The following CACNB4 variants were observed in gnomAD, a reference collection of about 807,000 sequenced individuals.
CACNB4 encodes voltage-dependent L-type calcium channel subunit beta-4.
A neutral mutation model predicts 71.2 loss-of-function variants in CACNB4; 32 were observed. The ratio of observed to expected loss-of-function variants is 0.45; its 90% CI spans 0.34 to 0.60. The LOEUF is 0.60. Ranked by LOEUF, CACNB4 falls within the 20% of genes least tolerant of loss-of-function variation. The pLI is 0.01. For synonymous variants in CACNB4, 231 were observed against 236.9 expected (o/e 0.97, Z 0.23); for missense variants, 464 against 647.9 (o/e 0.72, Z 3.08).
chr2:151,989,674 A>G (rs1681578123), intron 2 of CACNB4, among the ~76,000 whole-genome samples: 1 of 152,272 alleles, frequency 6.6e-6, no homozygotes, highest in South Asian at 2.1e-4. Flanking sequence ...AAATAAACAC[A>G]TCCAGTTCAA....
intron 2 of CACNB4, among the ~76,000 whole-genome samples, chr2:152,066,129 G>A (rs1431641898): frequency 2.6e-5 from 4 of 152,074 alleles, no homozygotes; most frequent in Admixed American, 6.6e-5. Context: ...CTCTGCTGAC[G>A]TGGCCACGTA....
chr2:152,008,759 C>T (rs1439112925), intron 2 of CACNB4, among the ~76,000 whole-genome samples: 2 of 152,196 alleles, frequency 1.3e-5, no homozygotes, highest in African/African-American at 4.8e-5. Context: ...ATCCTCCAAG[C>T]ATGATCTCTT....
At chr2:151,962,218 G>A (rs2099869846) in intron 2 of CACNB4, among the ~76,000 whole-genome samples, 1 of 152,224 alleles carries the variant, frequency 6.6e-6, no homozygotes. Context: ...TCTCAAGGTA[G>A]CTTTCTGGAT....
chr2:152,081,658 T>C (rs10930916), intron 2 of CACNB4, among the ~76,000 whole-genome samples: 75,730 of 151,842 alleles, frequency 0.5, 19,470 homozygotes, highest in East Asian at 0.85. Flanking sequence ...ATAGGGGCCC[T>C]ACCCTCAAAA....
At chr2:151,970,632 C>A (rs73001859) in intron 2 of CACNB4, 2 of 152,074 alleles carry the variant, frequency 1.3e-5, no homozygotes, top group Middle Eastern at 6.3e-3. Flanking sequence ...TATTAACACA[C>A]AGTGGGGACA....
chr2:151,844,759 G>A (rs1014297452), intron 12 of CACNB4, among the ~76,000 whole-genome samples: 3 of 152,190 alleles, frequency 2.0e-5, no homozygotes, highest in African/African-American at 7.2e-5. Flanking sequence ...AAGAGGAAAC[G>A]AGGCAGCACC....
intron 2 of CACNB4, among the ~76,000 whole-genome samples, chr2:152,045,571 T>G (rs1685104311): frequency 6.6e-6 from 1 of 151,960 alleles, no homozygotes; most frequent in South Asian, 2.1e-4. Context: ...GAATGTATAC[T>G]TAAAAATGGT....
chr2:151,908,894 A>AT (rs1358822694), intron 2 of CACNB4, among the ~76,000 whole-genome samples: 1 of 152,130 alleles, frequency 6.6e-6, no homozygotes, highest in East Asian at 1.9e-4. Context: ...GCATATTTAA[A>AT]TGGAAGTAAG....
chr2:151,908,892 A>T lies in CACNB4; in HGVS notation c.148-25522T>A, dbSNP rs536945480. 2.0e-5 allele frequency among the ~76,000 whole-genome samples: 3 copies of T among 152,256 alleles called. No homozygotes were observed. The South Asian group carries it at 6.2e-4, about 32-fold the overall frequency. The stretch of plus-strand genomic sequence containing the variant: ...AATTCCCTTCATTTGGGGCATATTT[A>T]AATGGAAGTAAGCTGGTATTTTAGA... On this transcript the variant is annotated intron_variant, in intron 2 of 13. Coordinates refer to ENST00000539935, the MANE Select transcript of CACNB4 (RefSeq NM_000726.5).
At chr2:151,963,374 G>A (rs557711921) in intron 2 of CACNB4, among the ~76,000 whole-genome samples, 37 of 150,770 alleles carry the variant, frequency 2.5e-4, no homozygotes, top group Non-Finnish European at 4.1e-4. Context: ...TACAGATTGC[G>A]TCATTCTAAA....
At chr2:151,960,200 G>A (rs984977762) in intron 2 of CACNB4, among the ~76,000 whole-genome samples, 1 of 151,732 alleles carries the variant, frequency 6.6e-6, no homozygotes, top group Non-Finnish European at 1.5e-5. Flanking sequence ...TCTAGTGAGT[G>A]TCTCTGTATA....
At chr2:151,906,742 T>C (rs1440485939) in intron 2 of CACNB4, among the ~76,000 whole-genome samples, 2 of 152,120 alleles carry the variant, frequency 1.3e-5, no homozygotes, top group African/African-American at 2.4e-5. Flanking sequence ...CAGCTTCATC[T>C]CCCTCCACAT....
At chr2:151,933,509 C>T (rs930984122) in intron 2 of CACNB4, among the ~76,000 whole-genome samples, 1 of 151,998 alleles carries the variant, frequency 6.6e-6, no homozygotes, top group African/African-American at 2.4e-5. Context: ...CCTCTTGTAA[C>T]AGATAGAAAA....
intron 2 of CACNB4, among the ~76,000 whole-genome samples, chr2:152,061,954 G>T (rs1210235725): frequency 6.6e-6 from 1 of 151,476 alleles, no homozygotes; most frequent in African/African-American, 2.4e-5. Context: ...AGAGGTTGCA[G>T]TGAGCGGAGA....
chr2:152,077,320 C>T (rs754291677), intron 2 of CACNB4, among the ~76,000 whole-genome samples: 7 of 152,074 alleles, frequency 4.6e-5, no homozygotes, highest in South Asian at 2.1e-4. Flanking sequence ...TTTGGGAGGC[C>T]GAGGCACATG....
At chr2:152,016,572 T>G (rs561953892) in intron 2 of CACNB4, among the ~76,000 whole-genome samples, 1 of 152,216 alleles carries the variant, frequency 6.6e-6, no homozygotes, top group Non-Finnish European at 1.5e-5. Context: ...GACAGTGATA[T>G]TCCTTTGAAT....
At position 151,838,845 on chromosome 2, in the gene CACNB4, CAAATTGATGTGTCT is replaced by C. The variant is rs1167862039; in HGVS notation, c.*260_*273del. ...TGTGCCTTGTAAGTACCCTAAATTACAAATTGATGTGTCTAAATCTATGAAGAAAACAAAATGTA... is the reference window on the plus strand; with the variant it reads ...TGTGCCTTGTAAGTACCCTAAATTACAAATCTATGAAGAAAACAAAATGTA... On this transcript the variant is annotated 3_prime_UTR_variant, in exon 14 of 14. Transcript: ENST00000539935. The C allele has an allele frequency of 8.1e-6, 2 of 247,708 alleles. No individual in the cohort carries two copies. The highest frequency in any genetic ancestry group is 1.5e-5 in the Non-Finnish European group (2 of 130,120). 15.3% of individuals were successfully genotyped at this position (247,708 alleles called of 1,614,324 possible).
chr2:152,069,892 GA>G (rs1686580440), intron 2 of CACNB4, among the ~76,000 whole-genome samples: 1 of 145,554 alleles, frequency 6.9e-6, no homozygotes, highest in Non-Finnish European at 1.5e-5. Flanking sequence ...GCCCAGGCTG[GA>G]GGGCAGTGGC....
intron 2 of CACNB4, among the ~76,000 whole-genome samples, chr2:151,963,887 G>A (rs1039375297): frequency 2.6e-5 from 4 of 151,984 alleles, no homozygotes; most frequent in African/African-American, 9.7e-5. Context: ...GGCCAACATG[G>A]TGAAACTCCC....
Sources: allele counts gnomAD v4.1 joint callset (sites outside exome capture counted in the v4.1 genomes callset), GRCh38; gene constraint gnomAD v4.1.1; transcripts MANE v1.5; gene names NCBI Gene and HGNC (gene_info 2026-07-23, HGNC 2026-07-21).